Variants in PTK7 observed in about 807,000 individuals in gnomAD.
PTK7 encodes the protein protein tyrosine kinase 7 (inactive).
In PTK7, 39 loss-of-function variants were observed where a neutral mutation model predicts 116.6. That is an observed-to-expected ratio of 0.33 (90% CI 0.26 to 0.44). The LOEUF is 0.44. PTK7 is among the 20% of genes least tolerant of loss of function. The pLI is 1.00. For synonymous variants in PTK7, 546 were observed against 563.6 expected, an observed-to-expected ratio of 0.97 and a Z score of 0.44; for missense variants, 1,169 against 1,425.6, an observed-to-expected ratio of 0.82 and a Z score of 2.90.
At chr6:43,159,161 T>C (rs1163106178) in intron 18 of PTK7, among the ~76,000 whole-genome samples, 193 bp downstream of exon 18, 1 of 152,158 alleles carries the variant, frequency 6.6e-6, no homozygotes, top group Non-Finnish European at 1.5e-5. Flanking sequence ...TGCACACCCT[T>C]GGTGGTTGTA....
At chr6:43,089,911 G>A (rs534309572) in intron 1 of PTK7, among the ~76,000 whole-genome samples, 1 of 152,362 alleles carries the variant, frequency 6.6e-6, no homozygotes, top group South Asian at 2.1e-4. Context: ...AACAGGGTGG[G>A]GACCTTGTCC....
At chr6:43,091,467 G>A (rs1260050573) in intron 1 of PTK7, among the ~76,000 whole-genome samples, 5 of 152,022 alleles carry the variant, frequency 3.3e-5, no homozygotes, top group African/African-American at 7.2e-5. Context: ...GCGCCTGGCC[G>A]GTTTCCTCTT....
At chr6:43,118,659 CTATATATATA>C (rs58935341) in intron 1 of PTK7, among the ~76,000 whole-genome samples, 1,425 of 52,928 alleles carry the variant, frequency 0.027, 28 homozygotes, top group African/African-American at 0.07. Flanking sequence ...CTCTCTCTCT[CTATATATATA>C]TATATATATA....
intron 13 of PTK7, 24 bp downstream of exon 13, chr6:43,142,323 T>C (rs747074724): frequency 1.8e-5 from 29 of 1,613,652 alleles, no homozygotes; most frequent in Middle Eastern, 3.3e-4. Context: ...AGGGTTATGC[T>C]GCACAGGAAG....
chr6:43,077,592 C>T (rs558782882), intron 1 of PTK7, among the ~76,000 whole-genome samples: 1 of 152,208 alleles, frequency 6.6e-6, no homozygotes, highest in African/African-American at 2.4e-5. Context: ...CCCGCACATC[C>T]CAAATAGCCC....
At chr6:43,122,059 T>C (rs1488612187) in intron 1 of PTK7, among the ~76,000 whole-genome samples, 2 of 152,164 alleles carry the variant, frequency 1.3e-5, no homozygotes, top group African/African-American at 2.4e-5. Context: ...GGAGAATTGC[T>C]TGGGCCTCGG....
intron 17 of PTK7, among the ~76,000 whole-genome samples, chr6:43,151,851 CT>C (rs1203684635): frequency 1.5e-5 from 2 of 129,662 alleles, no homozygotes; most frequent in African/African-American, 2.9e-5. Context: ...CGCCCCCCGC[CT>C]TTTTTTTTAT....
chr6:43,124,046 G>A (rs979887564), intron 1 of PTK7, among the ~76,000 whole-genome samples: 2 of 152,168 alleles, frequency 1.3e-5, no homozygotes, highest in African/African-American at 4.8e-5. Flanking sequence ...CACGTGGCCT[G>A]CATCTCCATG....
chr6:43,093,682 A>C (rs541659890), intron 1 of PTK7, among the ~76,000 whole-genome samples: 58 of 152,266 alleles, frequency 3.8e-4, no homozygotes, highest in African/African-American at 1.4e-3. Context: ...TGCCATTGTC[A>C]CTGGTAAAGG....
chr6:43,118,917 C>T (rs982653751), intron 1 of PTK7, among the ~76,000 whole-genome samples: 3 of 150,896 alleles, frequency 2.0e-5, no homozygotes, highest in Non-Finnish European at 2.9e-5. Flanking sequence ...GACAGGTGGG[C>T]GCCACCACAT....
chr6:43,122,796 G>A (rs900503528), intron 1 of PTK7, among the ~76,000 whole-genome samples: 3 of 151,972 alleles, frequency 2.0e-5, no homozygotes, highest in Non-Finnish European at 4.4e-5. Flanking sequence ...TAGTAGATAT[G>A]GGGTTTCATC....
At chr6:43,134,088 G>T (rs561187824) in intron 7 of PTK7, among the ~76,000 whole-genome samples, 1 of 152,308 alleles carries the variant, frequency 6.6e-6, no homozygotes, top group African/African-American at 2.4e-5. Flanking sequence ...ACCCAGGCTG[G>T]AGTGTAGTGG....
At chr6:43,153,696 A>G (rs1415812516) in intron 17 of PTK7, among the ~76,000 whole-genome samples, 3 of 152,190 alleles carry the variant, frequency 2.0e-5, no homozygotes, top group Middle Eastern at 3.2e-3. Context: ...CAGGCCAGCA[A>G]TAGCTACTGC....
chr6:43,130,391 G>C lies in PTK7; in HGVS notation c.632G>C (p.Ser211Thr). The change falls in exon 4 of 20, where the codon AGC becomes ACC. Residue 211 changes from serine (S) to threonine (T), a missense_variant. Around this residue, in one of 3 missense-constraint regions of PTK7, gnomAD observed 487 missense variants for 549.8 expected, o/e 0.89. Transcript: ENST00000230419. ...CAHSAFGQAC[S>T]SQNFTLSIAD... ...CACAGTGCTTTTGGCCAGGCTTGCA[G>C]CAGCCAGAACTTCACCTTGAGCATT... 1 of 1,609,168 alleles carries C rather than the reference G, an allele frequency of 6.2e-7. No homozygotes were observed. The highest frequency in any genetic ancestry group is 8.5e-7 in the Non-Finnish European group (1 of 1,176,652).
At chr6:43,159,117 C>A in intron 18 of PTK7, 149 bp downstream of exon 18, 1 of 1,066,870 alleles carries the variant, frequency 9.4e-7, no homozygotes, top group Non-Finnish European at 1.3e-6. Flanking sequence ...CTTTCTCATC[C>A]TTTTTCCAAG....
intron 7 of PTK7, chr6:43,133,014 C>T (rs1769801864): frequency 4.1e-6 from 2 of 482,274 alleles, no homozygotes; most frequent in Non-Finnish European, 7.3e-6. Context: ...AAATCACCCA[C>T]CTTACTGGGG....
chr6:43,132,535 C>T lies in PTK7; in HGVS notation c.1076C>T (p.Ala359Val), dbSNP rs752894415. The T allele has an allele frequency of 2.1e-5, 34 of 1,613,394 alleles. No homozygotes were observed. Among genetic ancestry groups the T allele is most frequent in the Admixed American group, 1.0e-4 (6 of 59,996 alleles). ...LPEPSVWWEH[A>V]GVRLPTHGRV... ...GAGCCCAGCGTGTGGTGGGAGCACG[C>T]GGGAGTCCGGCTGCCCACCCATGGC... The change falls in exon 7 of 20, where the codon GCG becomes GTG. Residue 359 changes from alanine to valine, a missense_variant. Around this residue, in one of 3 missense-constraint regions of PTK7, gnomAD observed 487 missense variants for 549.8 expected, o/e 0.89. Coordinates refer to ENST00000230419, the MANE Select transcript of PTK7 (RefSeq NM_002821.5).
chr6:43,130,708 T>C (rs1249150688), intron 5 of PTK7, 47 bp downstream of exon 5: 2 of 1,598,578 alleles, frequency 1.3e-6, no homozygotes, highest in African/African-American at 1.3e-5. Flanking sequence ...ACCACACACA[T>C]GCATTCTGTA....
At chr6:43,103,993 C>T (rs540820767) in intron 1 of PTK7, among the ~76,000 whole-genome samples, 13 of 152,296 alleles carry the variant, frequency 8.5e-5, no homozygotes, top group South Asian at 2.1e-4. Context: ...TTTTCTTCTT[C>T]GGTGAAGTAA....
Sources: allele counts gnomAD v4.1 joint callset (sites outside exome capture counted in the v4.1 genomes callset), GRCh38; gene constraint gnomAD v4.1.1; regional missense constraint gnomAD v4.1.1; transcripts MANE v1.5; gene names NCBI Gene and HGNC (gene_info 2026-07-23, HGNC 2026-07-21).